Variants in SCRN3 observed in about 807,000 individuals in gnomAD.
The protein encoded by SCRN3 is secernin 3, also known as secernin-3.
A neutral mutation model predicts 43.1 loss-of-function variants in SCRN3; 39 were observed. That is an observed-to-expected ratio of 0.91 (90% CI 0.70 to 1.18). The LOEUF is 1.18. Ranked by LOEUF, SCRN3 falls within the 50% of genes most tolerant of loss-of-function variation. SCRN3 has a pLI of 0.00. For synonymous variants in SCRN3, 147 were observed against 163.1 expected (o/e 0.90, Z 0.75); for missense variants, 484 against 498.0 (o/e 0.97, Z 0.27).
At chr2:174,423,645 A>G (rs1401410087) in intron 6 of SCRN3, among the ~76,000 whole-genome samples, 2 of 151,644 alleles carry the variant, frequency 1.3e-5, no homozygotes, top group Non-Finnish European at 2.9e-5. Context: ...AATTTTTTGT[A>G]TTTTTAGTAG....
chr2:174,406,288 T>C (rs1685690825), intron 5 of SCRN3, among the ~76,000 whole-genome samples: 1 of 141,096 alleles, frequency 7.1e-6, no homozygotes, highest in Non-Finnish European at 1.6e-5. Context: ...GGAATGCTTG[T>C]GATTTGTGCA....
At chr2:174,424,185 A>T (rs988110409) in intron 6 of SCRN3, among the ~76,000 whole-genome samples, 15 of 152,140 alleles carry the variant, frequency 9.9e-5, no homozygotes, top group African/African-American at 3.6e-4. Flanking sequence ...CCAACTGTGG[A>T]ATGTGAAGTA....
intron 5 of SCRN3, among the ~76,000 whole-genome samples, chr2:174,408,751 G>C (rs1685788625): frequency 1.4e-5 from 2 of 142,176 alleles, no homozygotes; most frequent in South Asian, 4.8e-4. Context: ...ATTCTGGGTT[G>C]AAAATTCTTT....
intron 5 of SCRN3, among the ~76,000 whole-genome samples, chr2:174,415,267 C>T (rs1686064123): frequency 1.3e-5 from 2 of 151,656 alleles, no homozygotes; most frequent in South Asian, 4.2e-4. Flanking sequence ...TTTTTTCAAC[C>T]TTTATAAATT....
chr2:174,423,545 C>T (rs763575805), intron 6 of SCRN3, among the ~76,000 whole-genome samples: 17 of 151,944 alleles, frequency 1.1e-4, no homozygotes, highest in Non-Finnish European at 1.5e-5. Context: ...TCTCAGCTCA[C>T]TGCAACCTCT....
Position 174,400,034 on chromosome 2 carries a change from G to C in SCRN3, c.272G>C (p.Gly91Ala). ...MGANEHGVCI[G>A]NEAVWGREEV... Reference sequence around the variant, plus strand: ...GCCAATGAGCATGGAGTTTGCATTGGGAATGAAGCTGTATGGGGAAGAGAA... The same window carrying C: ...GCCAATGAGCATGGAGTTTGCATTGCGAATGAAGCTGTATGGGGAAGAGAA... The change falls in exon 3 of 8, where the codon GGG (glycine) becomes GCG (alanine). Residue 91 changes from glycine to alanine, a missense_variant. Transcript: ENST00000272732. 1 of 1,600,682 alleles carries C rather than the reference G, an allele frequency of 6.2e-7. No individual in the cohort carries two copies. The highest frequency in any genetic ancestry group is 8.5e-7 in the Non-Finnish European group (1 of 1,174,982).
chr2:174,418,405 A>C (rs1040190015), intron 5 of SCRN3, among the ~76,000 whole-genome samples: 2 of 152,198 alleles, frequency 1.3e-5, no homozygotes, highest in Non-Finnish European at 2.9e-5. Flanking sequence ...GATAGCTGTT[A>C]ACTGTGCTGC....
At chr2:174,399,890 T>C in intron 2 of SCRN3, 32 bp from the exon 3 acceptor site, 2 of 1,331,072 alleles carry the variant, frequency 1.5e-6, no homozygotes, top group Non-Finnish European at 1.9e-6. Flanking sequence ...TTTGTGGTTC[T>C]TGCTATGACT....
intron 7 of SCRN3, among the ~76,000 whole-genome samples, chr2:174,426,334 T>C (rs1288937768): frequency 6.6e-6 from 1 of 152,198 alleles, no homozygotes; most frequent in African/African-American, 2.4e-5. Flanking sequence ...TCCAATACCA[T>C]TTATAGACAA....
chr2:174,399,279 C>T (rs992075657), intron 2 of SCRN3, among the ~76,000 whole-genome samples: 2 of 151,984 alleles, frequency 1.3e-5, no homozygotes, highest in African/African-American at 4.8e-5. Context: ...ATACCACTTC[C>T]ACTTTATTTC....
chr2:174,401,192 A>G lies in SCRN3; in HGVS notation c.541+3A>G. 2.5e-6 allele frequency: 4 copies of G among 1,612,428 alleles called. No homozygotes were observed. Among genetic ancestry groups the G allele is most frequent in the Non-Finnish European group, 3.4e-6 (4 of 1,178,776 alleles). Reference sequence around the variant, plus strand: ...CTGGGCAGCAGAAAAAGTACAAGGTATGGACAACTTTTTGTGATTTAACTT... The same window carrying G: ...CTGGGCAGCAGAAAAAGTACAAGGTGTGGACAACTTTTTGTGATTTAACTT... On this transcript the variant is annotated splice_donor_region_variant and intron_variant, in intron 4 of 7. Transcript: ENST00000272732.
In SCRN3 at chr2:174,398,591, T is replaced by C; in HGVS notation, c.159+149T>C. ...AATGAGTCAGAAATAAACTGTGATC[T>C]TTTATTTCAGTGATTCGGAGGACGT... On this transcript the variant is annotated intron_variant, in intron 2 of 7. Coordinates refer to ENST00000272732, the MANE Select transcript of SCRN3 (RefSeq NM_024583.5). 4 of 602,050 alleles carry C rather than the reference T, an allele frequency of 6.6e-6. No individual in the cohort carries two copies. The South Asian group carries it at 7.4e-5, about 11-fold the overall frequency. 37.3% of individuals were successfully genotyped at this position (602,050 alleles called of 1,614,324 possible).
chr2:174,411,323 T>C (rs1685909274), intron 5 of SCRN3, among the ~76,000 whole-genome samples: 1 of 151,440 alleles, frequency 6.6e-6, no homozygotes, highest in African/African-American at 2.4e-5. Context: ...CCCATCCAAA[T>C]GGGAAATCTG....
At chr2:174,398,216 T>G in intron 1 of SCRN3, 59 bp from the exon 2 acceptor site, 1 of 1,087,204 alleles carries the variant, frequency 9.2e-7, no homozygotes, top group Non-Finnish European at 1.3e-6. Flanking sequence ...AGTAAAACTC[T>G]TTATTTTTAT....
chr2:174,423,980 G>T lies in SCRN3; in HGVS notation c.918-495G>T, dbSNP rs559925079. 2.4e-4 allele frequency among the ~76,000 whole-genome samples: 37 copies of T among 151,448 alleles called. 1 individual carries two copies. The South Asian group carries it at 6.5e-3, about 27-fold the overall frequency. On this transcript the variant is annotated intron_variant, in intron 6 of 7. Coordinates refer to ENST00000272732, the MANE Select transcript of SCRN3 (RefSeq NM_024583.5). ...ATTTTTAATTTTTTTGTGGAGATGG[G>T]GTTCTGGCTATGTTGCCCAAGGCTA... is the stretch of plus-strand genomic sequence containing the variant.
chr2:174,399,859 G>A, intron 2 of SCRN3, 63 bp from the exon 3 acceptor site: 3 of 1,196,286 alleles, frequency 2.5e-6, no homozygotes, highest in Non-Finnish European at 3.2e-6. Context: ...TTAAATTCTG[G>A]ATTTTGATAA....
chr2:174,422,564 T>C (rs923290472), intron 5 of SCRN3, among the ~76,000 whole-genome samples: 11 of 134,256 alleles, frequency 8.2e-5, no homozygotes, highest in Non-Finnish European at 1.7e-4. Flanking sequence ...AACAAGACTC[T>C]GTCTCAAAAA....
rs1190292624 is a variant in SCRN3 at position 174,429,335 on chromosome 2, C to T, written c.*1440C>T. The T allele has an allele frequency of 6.6e-6, 1 of 152,198 alleles. No homozygotes were observed. Among genetic ancestry groups the T allele is most frequent in the African/African-American group, 2.4e-5 (1 of 41,454 alleles). 9.4% of individuals were successfully genotyped at this position (152,198 alleles called of 1,614,324 possible). A position where few individuals can be genotyped will look rare whatever the true frequency, so the allele number is the denominator to read the frequency against. ...AACTAGCACCGTCTTTTAGCTAGAC[C>T]ATTGCGTTAACTGTTCTCCTACACC... On this transcript the variant is annotated 3_prime_UTR_variant, in exon 8 of 8. Coordinates refer to ENST00000272732, the MANE Select transcript of SCRN3 (RefSeq NM_024583.5).
chr2:174,403,845 G>A (rs1394488869), intron 4 of SCRN3, among the ~76,000 whole-genome samples: 2 of 152,036 alleles, frequency 1.3e-5, no homozygotes, highest in East Asian at 3.8e-4. Flanking sequence ...ACCATTGGGG[G>A]AAACTGGGTA....
Sources: gnomAD v4.1 joint callset for allele counts (sites outside exome capture counted in the v4.1 genomes callset) on GRCh38, gnomAD v4.1.1 for gene constraint, MANE v1.5 for transcripts, NCBI Gene and HGNC (gene_info 2026-07-23, HGNC 2026-07-21) for gene names.